Variants in TASP1 observed in about 807,000 individuals in gnomAD.
TASP1 encodes taspase 1.
Under a neutral mutation model 56.6 loss-of-function variants are expected in TASP1, and 16 were observed. That is an observed-to-expected ratio of 0.28 (90% CI 0.19 to 0.43). The LOEUF (loss-of-function observed/expected upper bound fraction) is 0.43, where lower values mean the gene tolerates loss of function less well. Among genes scored for constraint, TASP1 ranks in the 20% least tolerant of loss-of-function variants. The pLI is 1.00. For missense variants in TASP1, 393 were observed against 511.6 expected (o/e 0.77, Z 2.24); for synonymous variants, 179 against 184.2 (o/e 0.97, Z 0.23).
the TASP1 span, among the ~76,000 whole-genome samples, chr20:13,340,477 C>G: frequency 2.0e-5 from 3 of 149,090 alleles, no homozygotes; most frequent in Non-Finnish European, 4.4e-5. Context: ...ATACATTATT[C>G]AAGTGTGTTT....
At chr20:13,375,998 G>T in the TASP1 span, among the ~76,000 whole-genome samples, 3 of 151,246 alleles carry the variant, frequency 2.0e-5, no homozygotes, top group Non-Finnish European at 4.4e-5. Context: ...TGGGTAGATT[G>T]AAAAAATTTT....
the TASP1 span, among the ~76,000 whole-genome samples, chr20:13,123,492 G>A: frequency 6.6e-6 from 1 of 152,168 alleles, no homozygotes; most frequent in Non-Finnish European, 1.5e-5. Flanking sequence ...CTAAGGCACA[G>A]AGAGATTTAG....
chr20:13,242,601 A>G, the TASP1 span, among the ~76,000 whole-genome samples: 1 of 152,156 alleles, frequency 6.6e-6, no homozygotes, highest in South Asian at 2.1e-4. Flanking sequence ...TGGTCTCTTG[A>G]TGGCAGCTGG....
At chr20:13,227,187 T>G in the TASP1 span, among the ~76,000 whole-genome samples, 1 of 152,204 alleles carries the variant, frequency 6.6e-6, no homozygotes, top group Non-Finnish European at 1.5e-5. Flanking sequence ...TTTTGACTTT[T>G]TAATTTACTT....
At chr20:13,446,197 C>A (rs781662270) in intron 11 of TASP1, among the ~76,000 whole-genome samples, 1 of 152,026 alleles carries the variant, frequency 6.6e-6, no homozygotes, top group Non-Finnish European at 1.5e-5. Context: ...AGTAAGAGAA[C>A]AAACAACATA....
chr20:13,361,835 A>C, the TASP1 span, among the ~76,000 whole-genome samples: 1 of 152,118 alleles, frequency 6.6e-6, no homozygotes, highest in African/African-American at 2.4e-5. Context: ...CTCTTGAAGT[A>C]AATAAATAAT....
chr20:13,356,697 T>C, the TASP1 span, among the ~76,000 whole-genome samples: 3 of 152,200 alleles, frequency 2.0e-5, no homozygotes, highest in East Asian at 3.8e-4. Context: ...TATTAAATCA[T>C]GAACTTTGCC....
chr20:13,220,302 C>G, the TASP1 span, among the ~76,000 whole-genome samples: 4 of 152,238 alleles, frequency 2.6e-5, no homozygotes, highest in Non-Finnish European at 5.9e-5. Flanking sequence ...CGGACCGACA[C>G]AGTTCGCTCT....
chr20:13,597,028 G>A (rs2047759631), intron 4 of TASP1, among the ~76,000 whole-genome samples: 1 of 152,176 alleles, frequency 6.6e-6, no homozygotes, highest in Admixed American at 6.5e-5. Context: ...CTCTGAAATT[G>A]AGGCAATAAT....
the TASP1 span, among the ~76,000 whole-genome samples, chr20:13,222,481 C>G: frequency 6.6e-6 from 1 of 152,080 alleles, no homozygotes; most frequent in Non-Finnish European, 1.5e-5. Flanking sequence ...CCTCCGGGAG[C>G]CTCGCCTGAG....
At chr20:13,156,599 G>A in the TASP1 span, among the ~76,000 whole-genome samples, 1 of 152,160 alleles carries the variant, frequency 6.6e-6, no homozygotes, top group Non-Finnish European at 1.5e-5. Context: ...TAAACAAAAT[G>A]ATGTCCATAC....
the TASP1 span, among the ~76,000 whole-genome samples, chr20:13,342,930 G>A: frequency 2.2e-4 from 33 of 152,190 alleles, no homozygotes; most frequent in Admixed American, 1.4e-3. Context: ...ACAAGAGATC[G>A]TGACTGGCAG....
At chr20:13,112,580 T>A in the TASP1 span, among the ~76,000 whole-genome samples, 1 of 152,186 alleles carries the variant, frequency 6.6e-6, no homozygotes, top group African/African-American at 2.4e-5. Context: ...TTGGAAGCCA[T>A]CCACCACAGT....
At chr20:13,576,542 A>G (rs2046934966) in intron 6 of TASP1, among the ~76,000 whole-genome samples, 1 of 152,096 alleles carries the variant, frequency 6.6e-6, no homozygotes, top group Non-Finnish European at 1.5e-5. Flanking sequence ...ATTTCCATTT[A>G]CCACAGCATC....
At chr20:13,279,572 G>A in the TASP1 span, 1 of 1,514,500 alleles carries the variant, frequency 6.6e-7, no homozygotes, top group Non-Finnish European at 9.0e-7. Flanking sequence ...TTTCTTCCAA[G>A]GGTCATGTAG....
chr20:13,280,686 G>A, the TASP1 span, among the ~76,000 whole-genome samples: 4 of 152,150 alleles, frequency 2.6e-5, no homozygotes, highest in Admixed American at 6.5e-5. Context: ...ACACACACTC[G>A]TAAGGCCCTC....
the TASP1 span, among the ~76,000 whole-genome samples, chr20:13,373,009 A>G: frequency 2.0e-5 from 3 of 152,260 alleles, no homozygotes; most frequent in South Asian, 4.1e-4. Context: ...ATGAGTACTT[A>G]ATGTAATTTT....
At chr20:13,378,218 T>C in the TASP1 span, among the ~76,000 whole-genome samples, 1 of 152,246 alleles carries the variant, frequency 6.6e-6, no homozygotes, top group Non-Finnish European at 1.5e-5. Context: ...TTTAGTGCTA[T>C]AAATTTCCCT....
chr20:13,459,578 T>A (rs77986402), intron 11 of TASP1, among the ~76,000 whole-genome samples: 8,921 of 152,216 alleles, frequency 0.059, 370 homozygotes, highest in African/African-American at 0.12. Flanking sequence ...ATGGTCACTA[T>A]CTTCAATTTG....
Sources: gnomAD v4.1 joint callset for allele counts (sites outside exome capture counted in the v4.1 genomes callset) on GRCh38, gnomAD v4.1.1 for gene constraint, MANE v1.5 for transcripts, NCBI Gene and HGNC (gene_info 2026-07-23, HGNC 2026-07-21) for gene names.